The following FBXO46 variants were observed in gnomAD, a reference collection of about 807,000 sequenced individuals.
FBXO46 encodes F-box protein 46.
A neutral mutation model predicts 30.7 loss-of-function variants in FBXO46; 13 were observed. That is an observed-to-expected ratio of 0.42 (90% CI 0.28 to 0.67). The LOEUF (loss-of-function observed/expected upper bound fraction) is 0.67. Ranked by LOEUF, FBXO46 falls within the 30% of genes least tolerant of loss-of-function variation. The pLI, the probability that FBXO46 is intolerant of heterozygous loss-of-function variation, is 0.21. For missense variants in FBXO46, 754 were observed against 871.5 expected (o/e 0.87, Z 1.70); for synonymous variants, 467 against 385.8 (o/e 1.21, Z -2.47).
chr19:45,717,762 C>T (rs1370747989), intron 1 of FBXO46, among the ~76,000 whole-genome samples: 1 of 135,022 alleles, frequency 7.4e-6, no homozygotes, highest in Non-Finnish European at 1.5e-5. Flanking sequence ...GAGTATCCAG[C>T]TTTGGTTGGG....
At position 45,710,915 on chromosome 19, in the gene FBXO46, C is replaced by A. The variant is rs1211629260; in HGVS notation, c.*769G>T. 1.2e-5 allele frequency: 2 copies of A among 165,258 alleles called. No individual in the cohort carries two copies. Among genetic ancestry groups the A allele is most frequent in the African/African-American group, 5.2e-5 (2 of 38,448 alleles). The allele number at this position is 165,258 out of a possible 1,614,324, so 10.2% of individuals were successfully genotyped here. A position where few individuals can be genotyped will look rare whatever the true frequency, so the allele number is the denominator to read the frequency against. Reference sequence around the variant, plus strand: ...AATCCGAAGTCCCTGCCCACGGGGCCCCCCCACGCTGTCAAAAGCGAGGCA... The same window carrying A: ...AATCCGAAGTCCCTGCCCACGGGGCACCCCCACGCTGTCAAAAGCGAGGCA... On this transcript the variant is annotated 3_prime_UTR_variant, in exon 2 of 2. Coordinates refer to ENST00000317683, the MANE Select transcript of FBXO46 (RefSeq NM_001080469.2).
chr19:45,720,695 G>A (rs1235636463), intron 1 of FBXO46, among the ~76,000 whole-genome samples: 10 of 152,018 alleles, frequency 6.6e-5, no homozygotes, highest in African/African-American at 2.2e-4. Flanking sequence ...TTGAACTCAA[G>A]CAATCCTCCA....
chr19:45,711,660 G>GCTCTC lies in FBXO46; in HGVS notation c.*19_*23dup. The GCTCTC allele has an allele frequency of 1.3e-6, 2 of 1,505,644 alleles. No individual in the cohort carries two copies. Among genetic ancestry groups the GCTCTC allele is most frequent in the Non-Finnish European group, 1.8e-6 (2 of 1,120,310 alleles). 93.3% of individuals were successfully genotyped at this position (1,505,644 alleles called of 1,614,324 possible). On this transcript the variant is annotated 3_prime_UTR_variant, in exon 2 of 2. Transcript: ENST00000317683. ...GAGAGGGGAGGGGTGGGCGTGGTGG[G>GCTCTC]CTCTCCCCTCCCCTCCCCCGGCTTC... is the stretch of plus-strand genomic sequence containing the variant.
chr19:45,713,695 C>G lies in FBXO46; in HGVS notation c.-78-122G>C. On this transcript the variant is annotated intron_variant, in intron 1 of 1. Coordinates refer to ENST00000317683, the MANE Select transcript of FBXO46 (RefSeq NM_001080469.2). The surrounding 1 kb of genome is among the most constrained non-coding windows in gnomAD (Gnocchi z 4.7). ...CAAGAACTCTATTCCTGGCTGGGCG[C>G]GGTGGCTCACGCCTGTAATCCCAGC... 2.0e-6 allele frequency: 1 copy of G among 494,218 alleles called. No homozygotes were observed. The highest frequency in any genetic ancestry group is 3.3e-5 in the East Asian group (1 of 30,578). 30.6% of individuals were successfully genotyped at this position (494,218 alleles called of 1,614,324 possible).
Position 45,711,456 on chromosome 19 carries a change from A to C in FBXO46, c.*228T>G, listed in dbSNP as rs1417327608. ...TGAGATGCTGATAAAAAAAAAAAAA[A>C]CACCCTTCTCAGAGGGTCCACGGCC... On this transcript the variant is annotated 3_prime_UTR_variant, in exon 2 of 2. Coordinates refer to ENST00000317683, the MANE Select transcript of FBXO46 (RefSeq NM_001080469.2). The C allele has an allele frequency of 5.9e-6, 4 of 672,942 alleles. No homozygotes were observed. The highest frequency in any genetic ancestry group is 5.6e-5 in the East Asian group (2 of 35,556). The allele number at this position is 672,942 out of a possible 1,614,324, so 41.7% of individuals were successfully genotyped here.
At position 45,713,882 on chromosome 19, in the gene FBXO46, C is replaced by T. The variant is rs531766220; in HGVS notation, c.-78-309G>A. Among the ~76,000 whole-genome samples, 3 of 149,344 alleles carry T rather than the reference C, an allele frequency of 2.0e-5. No individual in the cohort carries two copies. The highest frequency in any genetic ancestry group is 4.0e-4 in the East Asian group (2 of 5,048). On this transcript the variant is annotated intron_variant, in intron 1 of 1. Transcript: ENST00000317683. This position sits in a 1 kb window ranked among gnomAD's most constrained non-coding sequence, Gnocchi z 4.7. ...ACTTGGGAGGCTGAGGCACGAGAATCGCTTGAACCTGGGAGGTGGAGGTTG... is the reference window on the plus strand; with the variant it reads ...ACTTGGGAGGCTGAGGCACGAGAATTGCTTGAACCTGGGAGGTGGAGGTTG...
chr19:45,712,370 C>T lies in FBXO46; in HGVS notation c.1126G>A (p.Glu376Lys), dbSNP rs1159783393. Residue 376 changes from glutamate (E) to lysine (K), a missense_variant, in exon 2 of 2, where the codon GAG (glutamate) becomes AAG (lysine). Glu to Lys is a moderately conservative substitution (Grantham distance 56, BLOSUM62 1). This residue lies in a region of FBXO46 where 454 missense variants were observed against 426.5 expected (regional missense o/e 1.06). Transcript: ENST00000317683. The surrounding 1 kb of genome is among the most constrained non-coding windows in gnomAD (Gnocchi z 8.8). The stretch of plus-strand genomic sequence containing the variant: ...CCGTCCTTGCCAAAGAAGATGCACT[C>T]ATCTACCACGCCCGTCACCACCACG... Reference protein sequence around the residue: ...VDVVVTGVVDECIFFGKDGTK... With the variant: ...VDVVVTGVVDKCIFFGKDGTK... 7.5e-6 allele frequency: 12 copies of T among 1,603,400 alleles called. No individual in the cohort carries two copies. The highest frequency in any genetic ancestry group is 1.0e-5 in the Non-Finnish European group (12 of 1,179,680).
At position 45,713,469 on chromosome 19, in the gene FBXO46, G is replaced by T; in HGVS notation, c.27C>A (p.Phe9Leu). MDRGSLLP[F>L]QLWCPRPFGT... ...CAAAGGGCCGGGGGCACCATAGCTG[G>T]AAGGGCAGGAGGCTCCCACGGTCCA... Residue 9 changes from phenylalanine to leucine, a missense_variant, in exon 2 of 2, where the codon TTC becomes TTA. Phe to Leu is a conservative substitution (Grantham distance 22, BLOSUM62 0). This residue lies in a region of FBXO46 where 97 missense variants were observed against 113.0 expected (regional missense o/e 0.86). Coordinates refer to ENST00000317683, the MANE Select transcript of FBXO46 (RefSeq NM_001080469.2). This position sits in a 1 kb window ranked among gnomAD's most constrained non-coding sequence, Gnocchi z 4.7. The T allele has an allele frequency of 6.3e-7, 1 of 1,582,500 alleles. No homozygotes were observed. Among genetic ancestry groups the T allele is most frequent in the Non-Finnish European group, 8.6e-7 (1 of 1,159,730 alleles).
rs1568543466 is a variant in FBXO46, at chr19:45,711,355, C to T, written c.*329G>A. 1.9e-6 allele frequency: 1 copy of T among 527,298 alleles called. No individual in the cohort carries two copies. The allele number at this position is 527,298 out of a possible 1,614,324, so 32.7% of individuals were successfully genotyped here. ...CTTAAGTGGTACCAAAATTAGCTGC[C>T]GTCTGCTCCCTGCTGGTGGGTCCTT... On this transcript the variant is annotated 3_prime_UTR_variant, in exon 2 of 2. Transcript: ENST00000317683.
Position 45,712,231 on chromosome 19 carries a change from G to A in FBXO46, c.1265C>T (p.Pro422Leu), listed in dbSNP as rs1417447817. 6.2e-7 allele frequency: 1 copy of A among 1,605,160 alleles called. No homozygotes were observed. The highest frequency in any genetic ancestry group is 1.7e-5 in the Admixed American group (1 of 59,668). Reference protein sequence around the residue: ...QNRGPDGPPEPPPADSPATAP... With the variant: ...QNRGPDGPPELPPADSPATAP... ...AGTGGCCGGGGAGTCGGCCGGGGGT[G>A]GCTCCGGGGGCCCGTCCGGCCCGCG... Residue 422 changes from proline to leucine, a missense_variant, in exon 2 of 2, where the codon CCA becomes CTA. Pro to Leu is a moderately conservative substitution (Grantham distance 98). This residue lies in a region of FBXO46 where 454 missense variants were observed against 426.5 expected (regional missense o/e 1.06). Coordinates refer to ENST00000317683, the MANE Select transcript of FBXO46 (RefSeq NM_001080469.2). The surrounding 1 kb of genome is among the most constrained non-coding windows in gnomAD (Gnocchi z 8.8).
chr19:45,711,780 C>G lies in FBXO46; in HGVS notation c.1716G>C (p.Glu572Asp). 1 of 1,601,656 alleles carries G rather than the reference C, an allele frequency of 6.2e-7. No individual in the cohort carries two copies. The highest frequency in any genetic ancestry group is 8.5e-7 in the Non-Finnish European group (1 of 1,175,924). Residue 572 changes from glutamate to aspartate, a missense_variant, in exon 2 of 2, where the codon GAG becomes GAC. Physicochemically the swap from Glu to Asp is conservative, Grantham distance 45 (BLOSUM62 2). Coordinates refer to ENST00000317683, the MANE Select transcript of FBXO46 (RefSeq NM_001080469.2). ...YWMCCRRADR[E>D]TPGCRLGLHD... ...GGAGGCCCAGGCGGCAGCCGGGAGT[C>G]TCGCGGTCGGCTCGACGGCAGCACA...
chr19:45,730,918 C>G (rs1159908155), upstream of FBXO46: 4 of 152,362 alleles, frequency 2.6e-5, no homozygotes, highest in Non-Finnish European at 5.9e-5. Context: ...GCCTCCCCTT[C>G]CGGGTTCTCG....
Position 45,712,414 on chromosome 19 carries a change from G to T in FBXO46, c.1082C>A (p.Ala361Glu). ...CACCACGTCCACGTGGAAGCCTGAC[G>T]CTCCGCAGTCCCGGGCAGGGGGCGG... ...PPPPPARDCGASGFHVDVVVT... is the reference protein window; with the variant it reads ...PPPPPARDCGESGFHVDVVVT... The change falls in exon 2 of 2, where the codon GCG becomes GAG. Residue 361 changes from alanine to glutamate, a missense_variant. This residue lies in a region of FBXO46 where 454 missense variants were observed against 426.5 expected (regional missense o/e 1.06). Transcript: ENST00000317683. This position sits in a 1 kb window ranked among gnomAD's most constrained non-coding sequence, Gnocchi z 8.8. 1 of 1,609,314 alleles carries T rather than the reference G, an allele frequency of 6.2e-7. No homozygotes were observed. The highest frequency in any genetic ancestry group is 8.5e-7 in the Non-Finnish European group (1 of 1,179,696).
chr19:45,728,512 T>C (rs1968267420), intron 1 of FBXO46, among the ~76,000 whole-genome samples: 1 of 152,128 alleles, frequency 6.6e-6, no homozygotes. Context: ...ACTGATCCCA[T>C]TTTATAGGTG....
Position 45,713,784 on chromosome 19 carries a change from A to G in FBXO46, c.-78-211T>C, listed in dbSNP as rs1004657266. Among the ~76,000 whole-genome samples, 1 of 152,004 alleles carries G rather than the reference A, an allele frequency of 6.6e-6. No homozygotes were observed. The highest frequency in any genetic ancestry group is 1.5e-5 in the Non-Finnish European group (1 of 67,970). On this transcript the variant is annotated intron_variant, in intron 1 of 1. Transcript: ENST00000317683. This position sits in a 1 kb window ranked among gnomAD's most constrained non-coding sequence, Gnocchi z 4.7. ...GGAGTTTGAGACCAGCCTGGCCAAC[A>G]TGGTGATACCCCATCTCTACTAAAA...
At chr19:45,731,688 T>C (rs1182144235), upstream of FBXO46, among the ~76,000 whole-genome samples, 1 of 151,686 alleles carries the variant, frequency 6.6e-6, no homozygotes, top group African/African-American at 2.4e-5. Flanking sequence ...GTCCCATACA[T>C]TAGGAGTTAG....
chr19:45,732,974 A>G (rs1264945935), upstream of FBXO46, among the ~76,000 whole-genome samples: 1 of 151,838 alleles, frequency 6.6e-6, no homozygotes, highest in Non-Finnish European at 1.5e-5. Flanking sequence ...GGTCTTCTCG[A>G]TTGTACTGGG....
chr19:45,732,565 ATTCTTTTTCTTTC>A (rs1158840377), upstream of FBXO46, among the ~76,000 whole-genome samples: 11 of 92,134 alleles, frequency 1.2e-4, no homozygotes, highest in Admixed American at 1.2e-3. Flanking sequence ...CAAATCTTTT[ATTCTTTTTCTTTC>A]TTTTTTTTCC....
chr19:45,722,182 C>A (rs907048440), intron 1 of FBXO46, among the ~76,000 whole-genome samples: 8 of 152,148 alleles, frequency 5.3e-5, no homozygotes, highest in Non-Finnish European at 8.8e-5. Context: ...CCATACCTCA[C>A]CCATGGCTTG....
Sources: gnomAD v4.1 joint callset for allele counts (sites outside exome capture counted in the v4.1 genomes callset) on GRCh38, gnomAD v4.1.1 for gene constraint, gnomAD v4.1.1 regional missense constraint, Gnocchi (gnomAD v3.1) non-coding constraint, MANE v1.5 for transcripts, NCBI Gene and HGNC (gene_info 2026-07-23, HGNC 2026-07-21) for gene names.